Variants in LITAF observed in about 807,000 individuals in gnomAD.
LITAF encodes lipopolysaccharide induced TNF factor.
In LITAF, 9 loss-of-function variants were observed where a neutral mutation model predicts 14.5. That is an observed-to-expected ratio of 0.62 (90% confidence interval 0.37 to 1.08). The LOEUF (loss-of-function observed/expected upper bound fraction) is 1.08, where lower values mean the gene tolerates loss of function less well. Among genes scored for constraint, LITAF ranks in the 50% least tolerant of loss-of-function variants. The pLI, the probability that LITAF is intolerant of heterozygous loss-of-function variation, is 0.01. For synonymous variants in LITAF, 98 were observed against 88.2 expected, an observed-to-expected ratio of 1.11 and a Z score of -0.62; for missense variants, 206 against 213.4, an observed-to-expected ratio of 0.97 and a Z score of 0.22.
At chr16:11,619,208 T>G (rs1032602997) in intron 3 of LITAF, among the ~76,000 whole-genome samples, 1 of 147,528 alleles carries the variant, frequency 6.8e-6, no homozygotes. Context: ...CTACTTGGGA[T>G]GCTGAGGGAG....
intron 1 of LITAF, among the ~76,000 whole-genome samples, chr16:11,571,150 C>T (rs2064536254): frequency 6.6e-6 from 1 of 152,098 alleles, no homozygotes; most frequent in African/African-American, 2.4e-5. Flanking sequence ...TCACTGCAAC[C>T]TCCGCCTCCC....
At chr16:11,617,215 A>T (rs2065024482) in intron 3 of LITAF, among the ~76,000 whole-genome samples, 1 of 152,044 alleles carries the variant, frequency 6.6e-6, no homozygotes, top group Admixed American at 6.6e-5. Flanking sequence ...GCGAGACTCC[A>T]ACTCAAAAAA....
chr16:11,624,428 G>C (rs1370369666), intron 3 of LITAF, among the ~76,000 whole-genome samples: 1 of 152,188 alleles, frequency 6.6e-6, no homozygotes, highest in Non-Finnish European at 1.5e-5. Context: ...CCTGGAGTCT[G>C]AGACTGTCAG....
chr16:11,613,467 A>G (rs1031248683), intron 3 of LITAF, among the ~76,000 whole-genome samples: 4 of 152,174 alleles, frequency 2.6e-5, no homozygotes, highest in Non-Finnish European at 5.9e-5. Context: ...GAGGTGCCAG[A>G]GTGTGTTGTT....
chr16:11,627,479 TA>T (rs2065090819), intron 3 of LITAF, among the ~76,000 whole-genome samples: 1 of 152,276 alleles, frequency 6.6e-6, no homozygotes, highest in Non-Finnish European at 1.5e-5. Context: ...TGCAATGGCA[TA>T]AACCAGTTCC....
At chr16:11,562,953 A>AT (rs1421791309) in intron 1 of LITAF, among the ~76,000 whole-genome samples, 13 of 151,970 alleles carry the variant, frequency 8.6e-5, no homozygotes, top group Middle Eastern at 6.8e-3. Flanking sequence ...AATCTTTAAA[A>AT]ATTTTTTTTA....
At chr16:11,625,265 CT>C (rs112259926) in intron 3 of LITAF, among the ~76,000 whole-genome samples, 360 of 139,064 alleles carry the variant, frequency 2.6e-3, no homozygotes, top group Middle Eastern at 7.0e-3. Context: ...TCCCAAAAAC[CT>C]TTTTTTTTTT....
At chr16:11,554,592 A>C (rs1432110533) in intron 2 of LITAF, among the ~76,000 whole-genome samples, 1 of 152,048 alleles carries the variant, frequency 6.6e-6, no homozygotes, top group Admixed American at 6.5e-5. Flanking sequence ...CAGGAGTTCA[A>C]GACCAGCCTG....
At chr16:11,638,032 CTATATATATCTA>C (rs1368034314), upstream of LITAF, among the ~76,000 whole-genome samples, 557 of 83,228 alleles carry the variant, frequency 6.7e-3, 86 homozygotes, top group African/African-American at 0.031. Flanking sequence ...ATCTATATAT[CTATATATATCTA>C]TATATATATC....
chr16:11,618,211 T>C (rs1287292601), intron 3 of LITAF, among the ~76,000 whole-genome samples: 1 of 152,214 alleles, frequency 6.6e-6, no homozygotes, highest in African/African-American at 2.4e-5. Context: ...GCTATTTTTG[T>C]TTCTTCTCTC....
At chr16:11,579,360 A>G (rs1292214356) in intron 1 of LITAF, among the ~76,000 whole-genome samples, 1 of 151,764 alleles carries the variant, frequency 6.6e-6, no homozygotes. Flanking sequence ...CTGAGGCAGG[A>G]GAATGGCGTG....
At chr16:11,551,351 C>T (rs2064179131) in intron 3 of LITAF, among the ~76,000 whole-genome samples, 1 of 152,222 alleles carries the variant, frequency 6.6e-6, no homozygotes. Context: ...CTGAGGTGGG[C>T]GTTATTGCCC....
At chr16:11,631,757 G>A (rs956146516) in intron 3 of LITAF, among the ~76,000 whole-genome samples, 2 of 152,042 alleles carry the variant, frequency 1.3e-5, no homozygotes, top group Admixed American at 6.5e-5. Context: ...ACAGACACCC[G>A]TCATTGGGTT....
intron 3 of LITAF, among the ~76,000 whole-genome samples, chr16:11,627,470 G>A (rs535580264): frequency 6.6e-6 from 1 of 152,326 alleles, no homozygotes; most frequent in South Asian, 2.1e-4. Flanking sequence ...AATACATTCT[G>A]CAATGGCATA....
upstream of LITAF, among the ~76,000 whole-genome samples, chr16:11,603,068 C>T (rs1597368034): frequency 6.6e-6 from 1 of 152,266 alleles, no homozygotes; most frequent in East Asian, 1.9e-4. Flanking sequence ...GAGCTGTGAT[C>T]ACACCACTGC....
intron 1 of LITAF, among the ~76,000 whole-genome samples, 194 bp from the exon 2 acceptor site, chr16:11,556,929 C>T (rs2064279817): frequency 6.6e-6 from 1 of 152,192 alleles, no homozygotes; most frequent in African/African-American, 2.4e-5. Context: ...TAAATAATTA[C>T]TACCCAAAAT....
At chr16:11,610,268 G>C (rs1392151820) in intron 3 of LITAF, among the ~76,000 whole-genome samples, 1 of 152,364 alleles carries the variant, frequency 6.6e-6, no homozygotes, top group African/African-American at 2.4e-5. Flanking sequence ...AGAAAGAAAT[G>C]TCTGTCTTCT....
intron 3 of LITAF, among the ~76,000 whole-genome samples, chr16:11,620,372 A>G (rs943556202): frequency 6.6e-6 from 1 of 151,924 alleles, no homozygotes; most frequent in African/African-American, 2.4e-5. Context: ...TCCCAACACT[A>G]TCTCTTGCTC....
upstream of LITAF, among the ~76,000 whole-genome samples, chr16:11,600,949 A>G (rs1400690181): frequency 2.0e-5 from 3 of 152,148 alleles, no homozygotes; most frequent in African/African-American, 7.2e-5. This position sits in a 1 kb window ranked among gnomAD's most constrained non-coding sequence, Gnocchi z 4.1. Flanking sequence ...AAACCGGGGC[A>G]TGTCAGTGTG....
Sources: gnomAD v4.1 joint callset for allele counts (sites outside exome capture counted in the v4.1 genomes callset) on GRCh38, gnomAD v4.1.1 for gene constraint, Gnocchi (gnomAD v3.1) non-coding constraint, MANE v1.5 for transcripts, NCBI Gene and HGNC (gene_info 2026-07-23, HGNC 2026-07-21) for gene names.